MTCL3: variants seen among roughly 807,000 people sequenced by gnomAD.
MTCL3 encodes MTCL family member 3, also known as microtubule cross-linking factor 3.
At chr6:127,481,488 C>T in the MTCL3 span, 5 of 985,086 alleles carry the variant, frequency 5.1e-6, no homozygotes, top group African/African-American at 8.7e-5. Flanking sequence ...CAGGAGAAAA[C>T]AGAGCAGGAA....
chr6:127,516,488 C>A, the MTCL3 span: 1 of 1,599,618 alleles, frequency 6.3e-7, no homozygotes, highest in Non-Finnish European at 8.5e-7. Context: ...CTCGGTCTAG[C>A]GGGTGACTGA....
the MTCL3 span, among the ~76,000 whole-genome samples, chr6:127,492,141 C>G: frequency 6.6e-6 from 1 of 152,114 alleles, no homozygotes; most frequent in East Asian, 1.9e-4. Flanking sequence ...CCAGTTAATC[C>G]TCAATGCAGA....
At chr6:127,473,395 G>T in the MTCL3 span, 1 of 1,523,136 alleles carries the variant, frequency 6.6e-7, no homozygotes. Flanking sequence ...GGAACATCTG[G>T]GAAGGTAAAT....
At chr6:127,491,128 C>T in the MTCL3 span, among the ~76,000 whole-genome samples, 1 of 152,194 alleles carries the variant, frequency 6.6e-6, no homozygotes, top group Non-Finnish European at 1.5e-5. Context: ...ATGATATGAA[C>T]TTTGCTGAAA....
the MTCL3 span, among the ~76,000 whole-genome samples, chr6:127,504,604 C>G: frequency 1.3e-5 from 2 of 152,062 alleles, no homozygotes; most frequent in African/African-American, 4.8e-5. Flanking sequence ...AAAGCCTGAA[C>G]GCACCACATG....
At chr6:127,496,075 A>C in the MTCL3 span, among the ~76,000 whole-genome samples, 1 of 152,106 alleles carries the variant, frequency 6.6e-6, no homozygotes, top group Non-Finnish European at 1.5e-5. Flanking sequence ...ACTAAAATAC[A>C]AAAAACTAGC....
chr6:127,508,557 G>A, the MTCL3 span, among the ~76,000 whole-genome samples: 1 of 152,166 alleles, frequency 6.6e-6, no homozygotes, highest in Non-Finnish European at 1.5e-5. Context: ...ACCCTCTGGA[G>A]CAAAGACTGG....
chr6:127,494,504 G>A, the MTCL3 span, among the ~76,000 whole-genome samples: 1 of 152,094 alleles, frequency 6.6e-6, no homozygotes, highest in East Asian at 1.9e-4. Context: ...TAAAAGTCAG[G>A]TTAGAACTCC....
At chr6:127,479,310 G>A in the MTCL3 span, among the ~76,000 whole-genome samples, 1 of 152,194 alleles carries the variant, frequency 6.6e-6, no homozygotes, top group Non-Finnish European at 1.5e-5. Flanking sequence ...TGGTTTTGGT[G>A]AGTTTTAGCT....
At chr6:127,516,160 G>T in the MTCL3 span, 8 of 1,442,538 alleles carry the variant, frequency 5.5e-6, no homozygotes, top group Non-Finnish European at 7.2e-6. Flanking sequence ...CGAGGGCACG[G>T]ACTCTAGCTC....
the MTCL3 span, chr6:127,475,323 G>A: frequency 3.1e-6 from 5 of 1,611,290 alleles, no homozygotes; most frequent in African/African-American, 4.0e-5. The surrounding 1 kb of genome is among the most constrained non-coding windows in gnomAD (Gnocchi z 7.3). Context: ...CCTCGGCGCC[G>A]CGGTCGTCCG....
At chr6:127,514,925 G>A in the MTCL3 span, 44 of 1,614,190 alleles carry the variant, frequency 2.7e-5, no homozygotes, top group African/African-American at 4.0e-4. Flanking sequence ...GGTACTGCAG[G>A]ATCCGGCAGT....
At chr6:127,496,084 G>T in the MTCL3 span, among the ~76,000 whole-genome samples, 1 of 152,030 alleles carries the variant, frequency 6.6e-6, no homozygotes, top group Admixed American at 6.6e-5. Context: ...CAAAAAACTA[G>T]CTGGGGGAAA....
At chr6:127,475,657 C>A in the MTCL3 span, 25 of 1,592,284 alleles carry the variant, frequency 1.6e-5, no homozygotes, top group South Asian at 2.8e-4. This position sits in a 1 kb window ranked among gnomAD's most constrained non-coding sequence, Gnocchi z 7.3. Context: ...CGTGAGGCAG[C>A]GGATGTTGCG....
At chr6:127,512,761 C>CTAT in the MTCL3 span, 2 of 745,010 alleles carry the variant, frequency 2.7e-6, no homozygotes, top group South Asian at 4.6e-5. Flanking sequence ...GTATTTTTTA[C>CTAT]TATTTGGGTA....
At chr6:127,496,387 G>A in the MTCL3 span, among the ~76,000 whole-genome samples, 1 of 151,972 alleles carries the variant, frequency 6.6e-6, no homozygotes, top group Non-Finnish European at 1.5e-5. Flanking sequence ...ACCAGAATCT[G>A]AGAAAATTTT....
the MTCL3 span, among the ~76,000 whole-genome samples, chr6:127,479,662 T>A: frequency 6.6e-6 from 1 of 152,212 alleles, no homozygotes; most frequent in Non-Finnish European, 1.5e-5. Flanking sequence ...CAACAATTAT[T>A]TTAACACTTG....
the MTCL3 span, among the ~76,000 whole-genome samples, chr6:127,497,750 A>G: frequency 1.3e-5 from 2 of 152,248 alleles, no homozygotes; most frequent in African/African-American, 4.8e-5. Context: ...TTGAATGTAT[A>G]AAGAATGTTT....
At chr6:127,480,196 T>G in the MTCL3 span, among the ~76,000 whole-genome samples, 2 of 152,212 alleles carry the variant, frequency 1.3e-5, no homozygotes, top group African/African-American at 4.8e-5. Context: ...TAAATTGCAT[T>G]CTAATCGATT....
Sources: gnomAD v4.1 joint callset for allele counts (sites outside exome capture counted in the v4.1 genomes callset) on GRCh38, gnomAD v4.1.1 for gene constraint, Gnocchi (gnomAD v3.1) non-coding constraint, MANE v1.5 for transcripts, NCBI Gene and HGNC (gene_info 2026-07-23, HGNC 2026-07-21) for gene names.